AK8: variants seen among roughly 807,000 people sequenced by gnomAD.
AK8 encodes the protein adenylate kinase 8.
Under a neutral mutation model 54.6 loss-of-function variants are expected in AK8, and 44 were observed. The observed-to-expected ratio is 0.81, with a 90% CI of 0.63 to 1.04. The LOEUF is 1.04. AK8 is among the 50% of genes least tolerant of loss of function. The probability of loss-of-function intolerance (pLI) is 0.00; values close to 1 mark genes in which losing one functional copy is unlikely to be tolerated. For synonymous variants in AK8, 239 were observed against 245.6 expected (o/e 0.97, Z 0.25); for missense variants, 555 against 613.6 (o/e 0.90, Z 1.01).
intron 11 of AK8, among the ~76,000 whole-genome samples, chr9:132,766,531 A>T (rs1466208441): frequency 6.6e-6 from 1 of 152,242 alleles, no homozygotes. Flanking sequence ...TTCCATGTTC[A>T]TGGATTGGAA....
intron 2 of AK8, among the ~76,000 whole-genome samples, chr9:132,874,058 C>T (rs1194236065): frequency 6.6e-6 from 1 of 152,184 alleles, no homozygotes; most frequent in African/African-American, 2.4e-5. Flanking sequence ...CCCGCCTGGG[C>T]ATATAGGACG....
chr9:132,847,645 G>A (rs903113337), intron 5 of AK8, among the ~76,000 whole-genome samples: 2 of 152,126 alleles, frequency 1.3e-5, no homozygotes, highest in Non-Finnish European at 2.9e-5. Flanking sequence ...CAAATTTGAT[G>A]AGTAGCTATC....
intron 10 of AK8, among the ~76,000 whole-genome samples, chr9:132,805,007 G>C (rs1235767632): frequency 6.6e-6 from 1 of 152,192 alleles, no homozygotes; most frequent in Non-Finnish European, 1.5e-5. Context: ...TGCCGTTGGG[G>C]GGTCTGTGAG....
At chr9:132,864,839 G>A (rs942735049) in intron 3 of AK8, among the ~76,000 whole-genome samples, 4 of 152,190 alleles carry the variant, frequency 2.6e-5, no homozygotes, top group Admixed American at 6.5e-5. Context: ...AGGACAGGAC[G>A]AAGCACAGAT....
chr9:132,763,253 A>G (rs1279655316), intron 11 of AK8, among the ~76,000 whole-genome samples: 1 of 152,250 alleles, frequency 6.6e-6, no homozygotes, highest in Non-Finnish European at 1.5e-5. Context: ...CATATCAAGT[A>G]CCTTTTGTGA....
chr9:132,725,612 A>T lies in AK8; in HGVS notation c.*76T>A. 2.3e-6 allele frequency: 3 copies of T among 1,316,788 alleles called. No homozygotes were observed. The highest frequency in any genetic ancestry group is 2.1e-6 in the Non-Finnish European group (2 of 951,778). The allele number at this position is 1,316,788 out of a possible 1,614,324, so 81.6% of individuals were successfully genotyped here. ...GCAGGCTTTATTGGCTTTTTAGGGG[A>T]GCTGTGCCGAGGCTGGGGGGCTGGG... On this transcript the variant is annotated 3_prime_UTR_variant, in exon 13 of 13. Coordinates refer to ENST00000298545, the MANE Select transcript of AK8 (RefSeq NM_152572.3).
intron 11 of AK8, among the ~76,000 whole-genome samples, chr9:132,742,166 G>A (rs1469736394): frequency 6.7e-6 from 1 of 149,068 alleles, no homozygotes; most frequent in Non-Finnish European, 1.5e-5. Flanking sequence ...TGATGGACTT[G>A]GACTTTTTTT....
chr9:132,813,474 C>T (rs1841174668), intron 10 of AK8, among the ~76,000 whole-genome samples: 1 of 152,236 alleles, frequency 6.6e-6, no homozygotes, highest in African/African-American at 2.4e-5. Context: ...CCGCACTGCT[C>T]ACTATAATGG....
intron 11 of AK8, among the ~76,000 whole-genome samples, chr9:132,782,167 C>T (rs1266205563): frequency 6.6e-6 from 1 of 152,052 alleles, no homozygotes; most frequent in Admixed American, 6.5e-5. Context: ...TAAATCAAAT[C>T]GGTTCTTGAA....
At chr9:132,800,522 C>T (rs777414614) in intron 10 of AK8, among the ~76,000 whole-genome samples, 1 of 152,178 alleles carries the variant, frequency 6.6e-6, no homozygotes, top group Non-Finnish European at 1.5e-5. Flanking sequence ...TTGCCCCAGA[C>T]AAACCCCCAT....
intron 10 of AK8, among the ~76,000 whole-genome samples, chr9:132,793,715 A>T (rs1840038257): frequency 6.6e-6 from 1 of 152,236 alleles, no homozygotes; most frequent in Non-Finnish European, 1.5e-5. Flanking sequence ...TCCCAGACTC[A>T]TTAAATGTCC....
At chr9:132,821,696 T>C (rs979597876) in intron 9 of AK8, among the ~76,000 whole-genome samples, 2 of 150,650 alleles carry the variant, frequency 1.3e-5, no homozygotes, top group East Asian at 1.9e-4. Flanking sequence ...TGCATATACA[T>C]ATATATACAC....
At chr9:132,878,401 C>T, upstream of AK8, 1 of 1,241,126 alleles carries the variant, frequency 8.1e-7, no homozygotes, top group Non-Finnish European at 1.0e-6. This position sits in a 1 kb window ranked among gnomAD's most constrained non-coding sequence, Gnocchi z 4.7. Flanking sequence ...GTCGCCCCCG[C>T]CCCGACCTCC....
rs969533376 is a variant in AK8, at chr9:132,803,670, G to A, written c.980-10895C>T. ...GGCTTGCCCAGGAGCACAGCTGGGA[G>A]GAAGCAGAGTCTGAATGGGAACCAA... On this transcript the variant is annotated intron_variant, in intron 10 of 12. Transcript: ENST00000298545. This position sits in a 1 kb window ranked among gnomAD's most constrained non-coding sequence, Gnocchi z 4.4. 6.6e-6 allele frequency among the ~76,000 whole-genome samples: 1 copy of A among 152,196 alleles called. No individual in the cohort carries two copies. The highest frequency in any genetic ancestry group is 2.4e-5 in the African/African-American group (1 of 41,432).
At chr9:132,820,175 G>A in intron 9 of AK8, among the ~76,000 whole-genome samples, 1 of 140,774 alleles carries the variant, frequency 7.1e-6, no homozygotes. Context: ...ACAAAGGGAA[G>A]GAAGGAAGGA....
At chr9:132,732,687 T>A (rs1478336702) in intron 11 of AK8, among the ~76,000 whole-genome samples, 1 of 151,984 alleles carries the variant, frequency 6.6e-6, no homozygotes, top group Non-Finnish European at 1.5e-5. Context: ...GAGAATGAAG[T>A]TCACGCCACG....
At chr9:132,812,067 AC>A (rs1365822226) in intron 10 of AK8, among the ~76,000 whole-genome samples, 3 of 151,952 alleles carry the variant, frequency 2.0e-5, no homozygotes, top group African/African-American at 4.8e-5. Flanking sequence ...ACTACTAGCA[AC>A]CCTTGAAACT....
rs376208055 is a variant in AK8, at chr9:132,727,511, A to T, written c.1145T>A (p.Phe382Tyr). The T allele has an allele frequency of 1.5e-5, 24 of 1,613,958 alleles. No homozygotes were observed. Among genetic ancestry groups the T allele is most frequent in the Non-Finnish European group, 1.9e-5 (23 of 1,179,946 alleles). Residue 382 changes from phenylalanine to tyrosine, a missense_variant, in exon 12 of 13, where the codon TTT becomes TAT. Physicochemically the swap from Phe to Tyr is conservative, Grantham distance 22 (BLOSUM62 3). Coordinates refer to ENST00000298545, the MANE Select transcript of AK8 (RefSeq NM_152572.3). Reference sequence around the variant, plus strand: ...AGTCAGCCGCTCCATGATGGAATCAAATGGCACATTCAGGAAAAACACCCT... The same window carrying T: ...AGTCAGCCGCTCCATGATGGAATCATATGGCACATTCAGGAAAAACACCCT... ...PNRVFFLNVP[F>Y]DSIMERLTLR...
chr9:132,866,129 C>CA (rs1843589036), intron 3 of AK8, among the ~76,000 whole-genome samples: 1 of 152,150 alleles, frequency 6.6e-6, no homozygotes, highest in African/African-American at 2.4e-5. Flanking sequence ...ACCTAGGAGG[C>CA]AGAGGTTGCA....
Sources: allele counts gnomAD v4.1 joint callset (sites outside exome capture counted in the v4.1 genomes callset), GRCh38; gene constraint gnomAD v4.1.1; non-coding constraint Gnocchi (gnomAD v3.1); transcripts MANE v1.5; gene names NCBI Gene and HGNC (gene_info 2026-07-23, HGNC 2026-07-21).